The following SNX1 variants were observed in gnomAD, a reference collection of about 807,000 sequenced individuals.
The protein encoded by SNX1 is sorting nexin 1.
In SNX1, 36 loss-of-function variants were observed where a neutral mutation model predicts 71.8. That is an observed-to-expected ratio of 0.50 (90% CI 0.38 to 0.66). The LOEUF is 0.66. Among genes scored for constraint, SNX1 ranks in the 30% least tolerant of loss-of-function variants. The pLI is 0.00. For missense variants in SNX1, 612 were observed against 646.7 expected (o/e 0.95, Z 0.58); for synonymous variants, 254 against 240.7 (o/e 1.06, Z -0.51).
chr15:64,096,356 C>T (rs1032766264), intron 1 of SNX1, among the ~76,000 whole-genome samples, 184 bp downstream of exon 1: 6 of 152,134 alleles, frequency 3.9e-5, no homozygotes, highest in Non-Finnish European at 7.4e-5. Flanking sequence ...GGCCCCCAGG[C>T]GGGAAGAGTA....
At chr15:64,120,566 G>T (rs2081186935) in intron 4 of SNX1, among the ~76,000 whole-genome samples, 1 of 152,108 alleles carries the variant, frequency 6.6e-6, no homozygotes, top group Non-Finnish European at 1.5e-5. Context: ...AATCCCAGCA[G>T]TTTGGAAGGC....
In SNX1 at chr15:64,134,644, C is replaced by T. The variant is rs996241378; in HGVS notation, c.1222-20C>T. The T allele has an allele frequency of 3.1e-6, 5 of 1,602,592 alleles. No homozygotes were observed. In the African/African-American group the frequency reaches 6.7e-5, roughly 21 times the overall value. ...CTCTTGAAGAGCTGGTTGTGCTCCT[C>T]CTCAACCCCACCCCCACAGGCTGCC... On this transcript the variant is annotated intron_variant, in intron 11 of 14. Transcript: ENST00000559844. This position sits in a 1 kb window ranked among gnomAD's most constrained non-coding sequence, Gnocchi z 4.1.
At chr15:64,099,621 T>G (rs1660190169) in intron 1 of SNX1, among the ~76,000 whole-genome samples, 1 of 152,214 alleles carries the variant, frequency 6.6e-6, no homozygotes, top group Admixed American at 6.5e-5. Flanking sequence ...CACTGTACTC[T>G]AGCCTGGGCG....
At position 64,138,438 on chromosome 15, in the gene SNX1, C is replaced by T; in HGVS notation, c.*820C>T. 1 of 449,330 alleles carries T rather than the reference C, an allele frequency of 2.2e-6. No homozygotes were observed. The highest frequency in any genetic ancestry group is 5.9e-4 in the Middle Eastern group (1 of 1,698). 27.8% of individuals were successfully genotyped at this position (449,330 alleles called of 1,614,324 possible). A position where few individuals can be genotyped will look rare whatever the true frequency, so the allele number is the denominator to read the frequency against. On this transcript the variant is annotated 3_prime_UTR_variant, in exon 15 of 15. Transcript: ENST00000559844. ...TGAGTCTTGCCCTCTGATGGCAAGT[C>T]TTATATATAACTAAACCTATTTTTG... is the stretch of plus-strand genomic sequence containing the variant.
intron 1 of SNX1, among the ~76,000 whole-genome samples, chr15:64,104,814 G>A (rs2081002383): frequency 6.6e-6 from 1 of 150,960 alleles, no homozygotes; most frequent in African/African-American, 2.4e-5. Context: ...GAACCCGGGA[G>A]GCAGAGGTTG....
At chr15:64,107,482 A>T (rs1004169344) in intron 1 of SNX1, among the ~76,000 whole-genome samples, 5 of 152,220 alleles carry the variant, frequency 3.3e-5, no homozygotes, top group African/African-American at 1.2e-4. Flanking sequence ...GAGCTAAGAA[A>T]ATTGTGCTAG....
intron 8 of SNX1, 50 bp downstream of exon 8, chr15:64,127,856 G>T: frequency 7.1e-7 from 1 of 1,403,006 alleles, no homozygotes; most frequent in South Asian, 1.2e-5. Flanking sequence ...TGCCCCTAGT[G>T]AAACGAAACT....
chr15:64,135,924 A>G (rs1334578968), intron 12 of SNX1, among the ~76,000 whole-genome samples: 1 of 151,706 alleles, frequency 6.6e-6, no homozygotes, highest in African/African-American at 2.4e-5. Flanking sequence ...TCCATCTCAA[A>G]AAAAAAAATC....
At chr15:64,135,771 A>AAAAAG (rs1216965729) in intron 12 of SNX1, among the ~76,000 whole-genome samples, 1 of 151,222 alleles carries the variant, frequency 6.6e-6, no homozygotes, top group African/African-American at 2.4e-5. Flanking sequence ...AAAAAAAAAA[A>AAAAAG]AAAAATTAGA....
At chr15:64,105,977 G>A (rs3887731) in intron 1 of SNX1, among the ~76,000 whole-genome samples, 109,396 of 152,092 alleles carry the variant, frequency 0.72, 40,087 homozygotes, top group East Asian at 0.81. Context: ...TTAAATGTAT[G>A]AAATAAAATA....
At chr15:64,136,286 G>A in intron 12 of SNX1, 44 bp from the exon 13 acceptor site, 1 of 1,461,032 alleles carries the variant, frequency 6.8e-7, no homozygotes, top group Non-Finnish European at 9.6e-7. Context: ...CTTAATAATG[G>A]TGCCATAATA....
Position 64,139,189 on chromosome 15 carries a change from G to A in SNX1, c.*1571G>A, listed in dbSNP as rs2081391300. On this transcript the variant is annotated 3_prime_UTR_variant, in exon 15 of 15. Transcript: ENST00000559844. ...ATACACATAAAGTATTTTGTATCCT[G>A]CTTTTATCATTCAACATTGTACATG... 6.6e-6 allele frequency: 1 copy of A among 151,430 alleles called. No individual in the cohort carries two copies. 9.4% of individuals were successfully genotyped at this position (151,430 alleles called of 1,614,324 possible).
intron 5 of SNX1, among the ~76,000 whole-genome samples, chr15:64,125,305 A>G (rs1471740330): frequency 2.6e-5 from 4 of 151,922 alleles, no homozygotes; most frequent in Admixed American, 2.6e-4. Context: ...TCTACTAAAA[A>G]ACTATAAAAA....
chr15:64,103,959 G>C (rs542055188), intron 1 of SNX1, among the ~76,000 whole-genome samples: 1 of 152,064 alleles, frequency 6.6e-6, no homozygotes. Flanking sequence ...TTTTCTACAG[G>C]GATATTGCCT....
rs2081339678 is a variant in SNX1 at position 64,134,721 on chromosome 15, C to T, written c.1279C>T (p.Leu427=). The change falls in exon 12 of 15, where the codon CTG becomes TTG. Residue 427 remains leucine (L), a synonymous_variant. Transcript: ENST00000559844. The surrounding 1 kb of genome is among the most constrained non-coding windows in gnomAD (Gnocchi z 4.1). The stretch of plus-strand genomic sequence containing the variant: ...GCGCTGGCAGGATGCCCAAGCCACA[C>T]TGCAGAAGAAGCGGGAGGCCGAGGC... The part of the protein sequence containing the change: ...WQRWQDAQAT[L]QKKREAEARL... The T allele has an allele frequency of 6.2e-7, 1 of 1,613,774 alleles. No individual in the cohort carries two copies. Among genetic ancestry groups the T allele is most frequent in the Non-Finnish European group, 8.5e-7 (1 of 1,180,048 alleles).
intron 1 of SNX1, among the ~76,000 whole-genome samples, chr15:64,100,576 G>A (rs1253848280): frequency 1.5e-5 from 2 of 130,226 alleles, no homozygotes; most frequent in Non-Finnish European, 3.1e-5. Context: ...GGGCCCACCA[G>A]CCTGGGTAAC....
chr15:64,137,693 C>G lies in SNX1; in HGVS notation c.*75C>G, dbSNP rs948805267. ...CTGTCCTCCTCCACCTTGATGGACC[C>G]CTAGTGATGCATCCTGCCTAGGCTG... On this transcript the variant is annotated 3_prime_UTR_variant, in exon 15 of 15. Coordinates refer to ENST00000559844, the MANE Select transcript of SNX1 (RefSeq NM_003099.5). 17 of 1,606,176 alleles carry G rather than the reference C, an allele frequency of 1.1e-5. No homozygotes were observed. Among genetic ancestry groups the G allele is most frequent in the Middle Eastern group, 1.6e-4 (1 of 6,062 alleles).
intron 1 of SNX1, among the ~76,000 whole-genome samples, chr15:64,099,217 T>A (rs1030754084): frequency 6.6e-5 from 10 of 152,206 alleles, no homozygotes; most frequent in Non-Finnish European, 1.5e-4. Flanking sequence ...AACATGGTAC[T>A]TAATTACTCT....
intron 1 of SNX1, among the ~76,000 whole-genome samples, chr15:64,096,584 G>A (rs1281602334): frequency 2.0e-5 from 3 of 152,222 alleles, no homozygotes; most frequent in Non-Finnish European, 4.4e-5. Context: ...GCGTTATGTG[G>A]ACTAGCCTGG....
Sources: allele counts gnomAD v4.1 joint callset (sites outside exome capture counted in the v4.1 genomes callset), GRCh38; gene constraint gnomAD v4.1.1; non-coding constraint Gnocchi (gnomAD v3.1); transcripts MANE v1.5; gene names NCBI Gene and HGNC (gene_info 2026-07-23, HGNC 2026-07-21).